Variants in GALNT13 observed in about 807,000 individuals in gnomAD.
GALNT13 encodes UDP-GalNAc:polypeptide N-acetylgalactosaminyltransferase 13.
A neutral mutation model predicts 64.2 loss-of-function variants in GALNT13; 28 were observed. The observed-to-expected ratio is 0.44, with a 90% CI of 0.32 to 0.60. The LOEUF (loss-of-function observed/expected upper bound fraction) is 0.60, where lower values mean the gene tolerates loss of function less well. Among genes scored for constraint, GALNT13 ranks in the 20% least tolerant of loss-of-function variants. GALNT13 has a pLI of 0.05. For synonymous variants in GALNT13, 214 were observed against 224.6 expected (o/e 0.95, Z 0.42); for missense variants, 577 against 669.8 (o/e 0.86, Z 1.53).
intron 4 of GALNT13, among the ~76,000 whole-genome samples, chr2:154,178,782 C>T (rs903899634): frequency 2.6e-5 from 4 of 152,158 alleles, no homozygotes; most frequent in Non-Finnish European, 5.9e-5. Context: ...ATTCAGCCAG[C>T]TCCAGTTTCT....
At chr2:153,663,739 G>A in the GALNT13 span, among the ~76,000 whole-genome samples, 1 of 152,182 alleles carries the variant, frequency 6.6e-6, no homozygotes, top group Non-Finnish European at 1.5e-5. Context: ...TTGCTAATTA[G>A]CTCAGCTTCA....
the GALNT13 span, among the ~76,000 whole-genome samples, chr2:153,397,968 T>A: frequency 6.6e-6 from 1 of 152,154 alleles, no homozygotes; most frequent in African/African-American, 2.4e-5. Flanking sequence ...CATGTGCACA[T>A]TGTGCAGGTT....
the GALNT13 span, among the ~76,000 whole-genome samples, chr2:153,770,811 C>A: frequency 6.6e-6 from 1 of 152,310 alleles, no homozygotes; most frequent in Non-Finnish European, 1.5e-5. Context: ...ATGACTGGGG[C>A]AGAGCTAGGC....
At chr2:153,269,721 G>A in the GALNT13 span, among the ~76,000 whole-genome samples, 1 of 47,522 alleles carries the variant, frequency 2.1e-5, no homozygotes, top group African/African-American at 1.5e-4. Flanking sequence ...TAAACAAAAG[G>A]AGTTTAATTG....
chr2:153,173,987 A>G, the GALNT13 span, among the ~76,000 whole-genome samples: 1 of 152,352 alleles, frequency 6.6e-6, no homozygotes, highest in African/African-American at 2.4e-5. Context: ...ATGGGTCTCA[A>G]GCAAGTTTAA....
intron 9 of GALNT13, among the ~76,000 whole-genome samples, chr2:154,369,905 T>C (rs707038): frequency 0.93 from 140,860 of 152,184 alleles, 65,228 homozygotes; most frequent in Non-Finnish European, 0.94. Context: ...GAGAAAGATA[T>C]TTAAATTTCT....
intron 3 of GALNT13, among the ~76,000 whole-genome samples, chr2:154,089,971 T>A (rs1195977163): frequency 6.6e-6 from 1 of 152,072 alleles, no homozygotes; most frequent in Non-Finnish European, 1.5e-5. Flanking sequence ...ATACATATAT[T>A]TATGTGTCAG....
the GALNT13 span, among the ~76,000 whole-genome samples, chr2:153,437,027 CT>C: frequency 6.6e-6 from 1 of 152,076 alleles, no homozygotes; most frequent in South Asian, 2.1e-4. Context: ...TATGTTGTGT[CT>C]TTGTTCTCGT....
chr2:153,396,837 C>A, the GALNT13 span, among the ~76,000 whole-genome samples: 1 of 152,098 alleles, frequency 6.6e-6, no homozygotes, highest in African/African-American at 2.4e-5. Flanking sequence ...ACATTTGATT[C>A]CCTCTTTCTT....
the GALNT13 span, among the ~76,000 whole-genome samples, chr2:153,304,421 A>G: frequency 1.3e-5 from 2 of 152,138 alleles, no homozygotes; most frequent in African/African-American, 4.8e-5. Flanking sequence ...CTGAGGTGCT[A>G]GGACAAATAA....
intron 9 of GALNT13, among the ~76,000 whole-genome samples, chr2:154,324,433 C>T (rs62172269): frequency 0.16 from 24,195 of 151,844 alleles, 2,038 homozygotes; most frequent in Middle Eastern, 0.22. Flanking sequence ...GTGATGATTT[C>T]GTATATTTAT....
the GALNT13 span, among the ~76,000 whole-genome samples, chr2:153,254,745 G>A: frequency 2.3e-4 from 35 of 151,894 alleles, 1 homozygote; most frequent in Non-Finnish European, 4.0e-4. Context: ...TCATTCAGGA[G>A]CAGGTTGTTC....
At chr2:153,803,901 T>G in the GALNT13 span, among the ~76,000 whole-genome samples, 1 of 152,074 alleles carries the variant, frequency 6.6e-6, no homozygotes, top group Non-Finnish European at 1.5e-5. Flanking sequence ...AATAAATTTC[T>G]GTTGTTTAAG....
intron 3 of GALNT13, among the ~76,000 whole-genome samples, chr2:153,945,224 C>CA (rs1410544854): frequency 6.6e-6 from 1 of 152,050 alleles, no homozygotes; most frequent in Non-Finnish European, 1.5e-5. Context: ...CTTGAGGGAC[C>CA]AGTTTCAAAG....
At chr2:154,187,412 AC>A (rs1215039483) in intron 4 of GALNT13, among the ~76,000 whole-genome samples, 11 of 134,494 alleles carry the variant, frequency 8.2e-5, no homozygotes, top group Non-Finnish European at 1.8e-4. Context: ...ACACACACAC[AC>A]AACTTCTAAA....
chr2:153,963,871 A>G (rs1347641555), intron 3 of GALNT13, among the ~76,000 whole-genome samples: 3 of 151,886 alleles, frequency 2.0e-5, no homozygotes, highest in Admixed American at 2.0e-4. Flanking sequence ...TTACTTTTCT[A>G]AATGAGGTCT....
At chr2:153,952,863 CA>C (rs1428215033) in intron 3 of GALNT13, among the ~76,000 whole-genome samples, 1 of 152,132 alleles carries the variant, frequency 6.6e-6, no homozygotes, top group East Asian at 1.9e-4. Context: ...TCCAAAAGTC[CA>C]AAAGCTGAAG....
chr2:153,610,399 G>A, the GALNT13 span, among the ~76,000 whole-genome samples: 2 of 152,164 alleles, frequency 1.3e-5, no homozygotes, highest in African/African-American at 4.8e-5. Context: ...ATTGGGCCGG[G>A]CGCTGTGGCT....
chr2:153,184,283 G>T, the GALNT13 span, among the ~76,000 whole-genome samples: 1 of 152,026 alleles, frequency 6.6e-6, no homozygotes, highest in Admixed American at 6.6e-5. Flanking sequence ...GCCTGTTGTT[G>T]GTGTATAGGA....
Sources: gnomAD v4.1 joint callset for allele counts (sites outside exome capture counted in the v4.1 genomes callset) on GRCh38, gnomAD v4.1.1 for gene constraint, MANE v1.5 for transcripts, NCBI Gene and HGNC (gene_info 2026-07-23, HGNC 2026-07-21) for gene names.